THYN1: variants seen among roughly 807,000 people sequenced by gnomAD.
THYN1 encodes thymocyte protein thy28.
Under a neutral mutation model 30.6 loss-of-function variants are expected in THYN1, and 32 were observed. That is an observed-to-expected ratio of 1.05 (90% CI 0.79 to 1.40). The LOEUF (loss-of-function observed/expected upper bound fraction) is 1.40. Ranked by LOEUF, THYN1 falls within the 40% of genes most tolerant of loss-of-function variation. The pLI, the probability that THYN1 is intolerant of heterozygous loss-of-function variation, is 0.00. For missense variants in THYN1, 259 were observed against 272.6 expected (o/e 0.95, Z 0.35); for synonymous variants, 107 against 90.8 (o/e 1.18, Z -1.01).
At chr11:134,251,606 T>C (rs976690675) in intron 1 of THYN1, 3 of 290,840 alleles carry the variant, frequency 1.0e-5, no homozygotes, top group African/African-American at 2.2e-5. Flanking sequence ...CACTCTCTCT[T>C]CTATGCCTTT....
At chr11:134,248,536 G>A in intron 6 of THYN1, 52 bp from the exon 7 acceptor site, 1 of 1,603,774 alleles carries the variant, frequency 6.2e-7, no homozygotes, top group Non-Finnish European at 8.5e-7. Context: ...GTCCCCTCTT[G>A]AACAGGAAAG....
Position 134,249,928 on chromosome 11 carries a change from GGGAGAAGAAAGAGTAACT to G in THYN1, c.292-26_292-9del. 6.2e-7 allele frequency: 1 copy of G among 1,610,294 alleles called. No individual in the cohort carries two copies. On this transcript the variant is annotated splice_polypyrimidine_tract_variant and intron_variant, in intron 3 of 6. Coordinates refer to ENST00000341541, the MANE Select transcript of THYN1 (RefSeq NM_014174.3). ...TCTAAGGAAGTTCCGAGCCTGTCCC[GGGAGAAGAAAGAGTAACT>G]ATCCTCCCACCAGCTGGAAAGTACT... is the stretch of plus-strand genomic sequence containing the variant.
rs1015560556 is a variant in THYN1 at position 134,249,920 on chromosome 11, C to A, written c.292G>T (p.Ala98Ser). 1.2e-6 allele frequency: 2 copies of A among 1,612,986 alleles called. No individual in the cohort carries two copies. The highest frequency in any genetic ancestry group is 1.7e-6 in the Non-Finnish European group (2 of 1,179,474). ...TCWDGVRNYQ[A>S]RNFLRAMKLG... Reference sequence around the variant, plus strand: ...TTCATGGCTCTAAGGAAGTTCCGAGCCTGTCCCGGGAGAAGAAAGAGTAAC... The same window carrying A: ...TTCATGGCTCTAAGGAAGTTCCGAGACTGTCCCGGGAGAAGAAAGAGTAAC... The change falls in exon 4 of 7, where the codon GCT becomes TCT. Residue 98 changes from alanine to serine, a missense_variant and splice_region_variant. Physicochemically the swap from Ala to Ser is moderately conservative, Grantham distance 99. Transcript: ENST00000341541.
intron 2 of THYN1, 80 bp downstream of exon 2, chr11:134,251,050 A>G (rs1939024165): frequency 7.2e-7 from 1 of 1,382,472 alleles, no homozygotes; most frequent in South Asian, 1.6e-5. Flanking sequence ...GAAGCTGGGG[A>G]TGGAACCCTA....
intron 3 of THYN1, 132 bp downstream of exon 3, chr11:134,250,143 T>C (rs1000493721): frequency 2.8e-6 from 3 of 1,059,470 alleles, no homozygotes; most frequent in Non-Finnish European, 2.8e-6. Context: ...AGGCATTTTT[T>C]AATACATTAT....
chr11:134,251,408 T>C, intron 1 of THYN1, 100 bp from the exon 2 acceptor site: 5 of 1,318,186 alleles, frequency 3.8e-6, no homozygotes, highest in Admixed American at 2.3e-5. Flanking sequence ...ATTCAAATCA[T>C]GGATCCATTA....
chr11:134,249,789 G>A, intron 4 of THYN1, 39 bp downstream of exon 4: 4 of 1,591,764 alleles, frequency 2.5e-6, no homozygotes, highest in Non-Finnish European at 3.4e-6. Context: ...TAGTCTCCCT[G>A]GAGGAAAAGG....
chr11:134,253,013 A>T lies in THYN1; in HGVS notation c.-131T>A. 6.9e-7 allele frequency: 1 copy of T among 1,447,164 alleles called. No homozygotes were observed. 89.6% of individuals were successfully genotyped at this position (1,447,164 alleles called of 1,614,324 possible). A position where few individuals can be genotyped will look rare whatever the true frequency, so the allele number is the denominator to read the frequency against. On this transcript the variant is annotated 5_prime_UTR_variant, in exon 1 of 7. It adds an upstream start codon to the 5' untranslated region. Coordinates refer to ENST00000341541, the MANE Select transcript of THYN1 (RefSeq NM_014174.3). ...CGAGAGGCAGCCTAGAACGTCTCCA[A>T]CTTTTGCGAAACACAGACGCCTACG...
In THYN1 at chr11:134,248,491, A is replaced by C. The variant is rs571961308; in HGVS notation, c.632-7T>G. 1 of 1,613,562 alleles carries C rather than the reference A, an allele frequency of 6.2e-7. No homozygotes were observed. The highest frequency in any genetic ancestry group is 8.5e-7 in the Non-Finnish European group (1 of 1,179,666). ...AAAACAAAATCAAACTCTTCTACAA[A>C]AAAAAAAGGGAAAAAGGAAGGATTA... On this transcript the variant is annotated splice_polypyrimidine_tract_variant and splice_region_variant and intron_variant, in intron 6 of 6. Coordinates refer to ENST00000341541, the MANE Select transcript of THYN1 (RefSeq NM_014174.3).
In THYN1 at chr11:134,251,326, A is replaced by C. The variant is rs1939039865; in HGVS notation, c.44-18T>G. 1 of 1,594,760 alleles carries C rather than the reference A, an allele frequency of 6.3e-7. No homozygotes were observed. Reference sequence around the variant, plus strand: ...TCCCTTGTCTGCAATAGGAGAAGCAAAAAGAAAAGATCATGCTTGTTAAAG... The same window carrying C: ...TCCCTTGTCTGCAATAGGAGAAGCACAAAGAAAAGATCATGCTTGTTAAAG... On this transcript the variant is annotated intron_variant, in intron 1 of 6. Coordinates refer to ENST00000341541, the MANE Select transcript of THYN1 (RefSeq NM_014174.3).
intron 1 of THYN1, 85 bp downstream of exon 1, chr11:134,252,749 AAAAAGC>A: frequency 2.1e-6 from 3 of 1,445,586 alleles, no homozygotes; most frequent in Non-Finnish European, 2.9e-6. Context: ...AAGGGTTCTC[AAAAAGC>A]AGGGAGTGAA....
chr11:134,252,928 G>A lies in THYN1; in HGVS notation c.-46C>T, dbSNP rs754637783. Reference sequence around the variant, plus strand: ...TAGTGCGGACGATTCTGGAATCAACGGAGATACAAGAAAGAATGCTAATGT... The same window carrying A: ...TAGTGCGGACGATTCTGGAATCAACAGAGATACAAGAAAGAATGCTAATGT... On this transcript the variant is annotated 5_prime_UTR_variant, in exon 1 of 7. Transcript: ENST00000341541. The A allele has an allele frequency of 6.5e-6, 10 of 1,535,570 alleles. No individual in the cohort carries two copies. The highest frequency in any genetic ancestry group is 8.7e-6 in the Non-Finnish European group (10 of 1,145,058).
intron 2 of THYN1, among the ~76,000 whole-genome samples, chr11:134,250,667 G>A (rs1030777804): frequency 2.3e-4 from 35 of 152,294 alleles, no homozygotes; most frequent in African/African-American, 8.2e-4. Flanking sequence ...TAAATTCCCT[G>A]AAATATACAT....
chr11:134,248,950 G>C lies in THYN1; in HGVS notation c.490C>G (p.Gln164Glu). The C allele has an allele frequency of 6.2e-7, 1 of 1,614,182 alleles. No individual in the cohort carries two copies. Among genetic ancestry groups the C allele is most frequent in the Non-Finnish European group, 8.5e-7 (1 of 1,180,024 alleles). ...AAACGTTTCATCATCCGAACAAACT[G>C]TACATCCACCTATGTGACAACAGTG... Reference protein sequence around the residue: ...DNPKWSMVDVQFVRMMKRFIP... With the variant: ...DNPKWSMVDVEFVRMMKRFIP... The change falls in exon 6 of 7, where the codon CAG (glutamine) becomes GAG (glutamate). Residue 164 changes from glutamine (Q) to glutamate (E), a missense_variant. Coordinates refer to ENST00000341541, the MANE Select transcript of THYN1 (RefSeq NM_014174.3).
intron 1 of THYN1, 32 bp downstream of exon 1, chr11:134,252,808 G>A: frequency 1.2e-6 from 2 of 1,613,090 alleles, no homozygotes; most frequent in Non-Finnish European, 1.7e-6. Flanking sequence ...TTTTTTCTTG[G>A]GCTGCCTTTG....
chr11:134,252,946 G>A lies in THYN1; in HGVS notation c.-64C>T, dbSNP rs1939187700. The A allele has an allele frequency of 1.3e-6, 2 of 1,516,300 alleles. No homozygotes were observed. Among genetic ancestry groups the A allele is most frequent in the East Asian group, 2.4e-5 (1 of 41,274 alleles). The allele number at this position is 1,516,300 out of a possible 1,614,324, so 93.9% of individuals were successfully genotyped here. A position where few individuals can be genotyped will look rare whatever the true frequency, so the allele number is the denominator to read the frequency against. ...AATCAACGGAGATACAAGAAAGAAT[G>A]CTAATGTCCTCCAAAACCCGCGCAG... On this transcript the variant is annotated 5_prime_UTR_variant, in exon 1 of 7. Transcript: ENST00000341541.
At position 134,253,327 on chromosome 11, in the gene THYN1, C is replaced by T. The variant is rs1026565434; in HGVS notation, c.-445G>A. Reference sequence around the variant, plus strand: ...ACACTCTGCAGACTCGACTGCGGTCCGCCTCCGCTGCGCCGCAGGCTGTGC... The same window carrying T: ...ACACTCTGCAGACTCGACTGCGGTCTGCCTCCGCTGCGCCGCAGGCTGTGC... On this transcript the variant is annotated 5_prime_UTR_variant, in exon 1 of 7. Transcript: ENST00000341541. 6.8e-5 allele frequency: 96 copies of T among 1,402,040 alleles called. No individual in the cohort carries two copies. In the African/African-American group the frequency reaches 9.2e-4, roughly 13 times the overall value. The allele number at this position is 1,402,040 out of a possible 1,614,324, so 86.8% of individuals were successfully genotyped here. A position where few individuals can be genotyped will look rare whatever the true frequency, so the allele number is the denominator to read the frequency against.
At position 134,253,240 on chromosome 11, in the gene THYN1, C is replaced by T; in HGVS notation, c.-358G>A. 7.6e-7 allele frequency: 1 copy of T among 1,321,256 alleles called. No homozygotes were observed. Among genetic ancestry groups the T allele is most frequent in the African/African-American group, 1.5e-5 (1 of 65,964 alleles). The allele number at this position is 1,321,256 out of a possible 1,614,324, so 81.8% of individuals were successfully genotyped here. On this transcript the variant is annotated 5_prime_UTR_variant, in exon 1 of 7. Transcript: ENST00000341541. ...GCCTTGTGTTACCTTGTTATCCTTGCTAATTAGGATCAACTGAATGGATAA... is the reference window on the plus strand; with the variant it reads ...GCCTTGTGTTACCTTGTTATCCTTGTTAATTAGGATCAACTGAATGGATAA...
intron 1 of THYN1, 79 bp downstream of exon 1, chr11:134,252,761 G>T: frequency 6.6e-7 from 1 of 1,510,716 alleles, no homozygotes; most frequent in Non-Finnish European, 9.2e-7. Flanking sequence ...AAAGCAGGGA[G>T]TGAAAAATGA....
Sources: gnomAD v4.1 joint callset for allele counts (sites outside exome capture counted in the v4.1 genomes callset) on GRCh38, gnomAD v4.1.1 for gene constraint, MANE v1.5 for transcripts, NCBI Gene and HGNC (gene_info 2026-07-23, HGNC 2026-07-21) for gene names.